The following HCRTR2 variants were observed in gnomAD, a reference collection of about 807,000 sequenced individuals.
HCRTR2 encodes the protein hypocretin receptor 2.
HCRTR2 carries 22 observed loss-of-function variants against 49.0 expected under a neutral mutation model. The ratio of observed to expected loss-of-function variants is 0.45; its 90% CI spans 0.32 to 0.64. HCRTR2 has a LOEUF of 0.64. Ranked by LOEUF, HCRTR2 falls within the 30% of genes least tolerant of loss-of-function variation. The pLI, the probability that HCRTR2 is intolerant of heterozygous loss-of-function variation, is 0.04. For missense variants in HCRTR2, 491 were observed against 559.4 expected (o/e 0.88, Z 1.23); for synonymous variants, 236 against 205.3 (o/e 1.15, Z -1.28).
chr6:55,111,420 A>C (rs1288640659), intron 1 of HCRTR2, among the ~76,000 whole-genome samples: 1 of 152,096 alleles, frequency 6.6e-6, no homozygotes, highest in Non-Finnish European at 1.5e-5. Flanking sequence ...TAGTCAGATT[A>C]ACTGAAGAGA....
intron 1 of HCRTR2, among the ~76,000 whole-genome samples, chr6:55,205,769 G>A (rs939005487): frequency 2.0e-5 from 3 of 151,974 alleles, no homozygotes; most frequent in African/African-American, 7.2e-5. Context: ...TTTTTTAGAC[G>A]GGATTGGAGA....
intron 1 of HCRTR2, among the ~76,000 whole-genome samples, chr6:55,133,301 G>A (rs1445227799): frequency 6.6e-6 from 1 of 151,500 alleles, no homozygotes; most frequent in Non-Finnish European, 1.5e-5. Flanking sequence ...CAAAATTGAA[G>A]CTAACAGACA....
At chr6:55,245,926 T>C (rs1281940909) in intron 1 of HCRTR2, among the ~76,000 whole-genome samples, 3 of 152,016 alleles carry the variant, frequency 2.0e-5, no homozygotes, top group East Asian at 1.9e-4. Context: ...ATTGCAGATG[T>C]AATTTGATAT....
rs140020781 is a variant in HCRTR2, at chr6:55,261,818, A to G, written c.647-1889A>G. Reference sequence around the variant, plus strand: ...AAATAAGCCATTATACTAAAAAGATACCTGCACATGCATGTTTACAGCAGC... The same window carrying G: ...AAATAAGCCATTATACTAAAAAGATGCCTGCACATGCATGTTTACAGCAGC... On this transcript the variant is annotated intron_variant, in intron 3 of 6. Transcript: ENST00000370862. 3.9e-5 allele frequency among the ~76,000 whole-genome samples: 6 copies of G among 152,282 alleles called. No individual in the cohort carries two copies. In the East Asian group the frequency reaches 1.2e-3, roughly 29 times the overall value.
chr6:55,202,852 T>G (rs2127285629), intron 1 of HCRTR2, among the ~76,000 whole-genome samples: 1 of 152,236 alleles, frequency 6.6e-6, no homozygotes, highest in East Asian at 1.9e-4. Flanking sequence ...TATGGTAGTT[T>G]AAAGCATGGC....
intron 1 of HCRTR2, among the ~76,000 whole-genome samples, chr6:55,182,658 A>C (rs925039787): frequency 6.6e-6 from 1 of 152,214 alleles, no homozygotes; most frequent in Admixed American, 6.5e-5. Context: ...AGCTTCTTGC[A>C]GATTCCTGAC....
At chr6:55,250,876 C>G (rs571302032) in intron 2 of HCRTR2, among the ~76,000 whole-genome samples, 9 of 152,244 alleles carry the variant, frequency 5.9e-5, no homozygotes, top group Admixed American at 5.2e-4. Flanking sequence ...GAAAAAACTA[C>G]TGGGTAACCA....
At chr6:55,277,236 C>T (rs1767093303) in intron 4 of HCRTR2, 144 bp from the exon 5 acceptor site, 2 of 703,282 alleles carry the variant, frequency 2.8e-6, no homozygotes, top group East Asian at 5.4e-5. Context: ...CTAAGGTCAG[C>T]AAATGCTCTG....
At chr6:55,257,776 A>G (rs1205052717) in intron 3 of HCRTR2, among the ~76,000 whole-genome samples, 1 of 151,914 alleles carries the variant, frequency 6.6e-6, no homozygotes, top group Non-Finnish European at 1.5e-5. Context: ...CTTAGCCTTC[A>G]GAAGTCATTT....
chr6:55,111,633 G>A (rs745620736), intron 1 of HCRTR2, among the ~76,000 whole-genome samples: 12 of 151,872 alleles, frequency 7.9e-5, no homozygotes, highest in African/African-American at 1.7e-4. Flanking sequence ...ACAATAACAC[G>A]CAGTGAGATT....
At chr6:55,213,070 A>G (rs547542109) in intron 1 of HCRTR2, among the ~76,000 whole-genome samples, 35 of 147,904 alleles carry the variant, frequency 2.4e-4, no homozygotes, top group Non-Finnish European at 3.8e-4. Context: ...AGAGTACATG[A>G]AAAAAAAGAG....
chr6:55,127,224 G>A (rs1764293761), intron 1 of HCRTR2, among the ~76,000 whole-genome samples: 2 of 152,094 alleles, frequency 1.3e-5, no homozygotes, highest in African/African-American at 4.8e-5. Context: ...GGAATCTCCT[G>A]GTCTGCAGGT....
chr6:55,155,294 C>T (rs904697820), intron 1 of HCRTR2, among the ~76,000 whole-genome samples: 3 of 151,696 alleles, frequency 2.0e-5, no homozygotes, highest in Admixed American at 2.0e-4. Flanking sequence ...GAATGGATTT[C>T]CTTTTATTGT....
At chr6:55,212,643 T>C (rs1368865688) in intron 1 of HCRTR2, among the ~76,000 whole-genome samples, 1 of 152,174 alleles carries the variant, frequency 6.6e-6, no homozygotes. Context: ...AATTATGTGA[T>C]GAATAACCTA....
intron 1 of HCRTR2, among the ~76,000 whole-genome samples, chr6:55,192,195 C>A (rs995822452): frequency 3.9e-5 from 6 of 152,094 alleles, no homozygotes; most frequent in African/African-American, 1.4e-4. Context: ...TCAAGCTACT[C>A]AAATTTTAAT....
intron 5 of HCRTR2, among the ~76,000 whole-genome samples, chr6:55,279,084 G>A (rs571117779): frequency 7.4e-4 from 113 of 151,706 alleles, no homozygotes; most frequent in African/African-American, 2.7e-3. Flanking sequence ...AAGGAGCAAG[G>A]CTGTGTTAAA....
intron 1 of HCRTR2, among the ~76,000 whole-genome samples, chr6:55,245,924 T>C (rs901835271): frequency 1.6e-4 from 25 of 151,990 alleles, no homozygotes; most frequent in Non-Finnish European, 2.4e-4. Flanking sequence ...TCATTGCAGA[T>C]GTAATTTGAT....
At chr6:55,162,336 T>C (rs1764818301) in intron 1 of HCRTR2, among the ~76,000 whole-genome samples, 1 of 152,090 alleles carries the variant, frequency 6.6e-6, no homozygotes, top group African/African-American at 2.4e-5. Context: ...TGCAATGTAT[T>C]TTAAAACAAT....
At chr6:55,139,619 T>C (rs9475162) in intron 1 of HCRTR2, among the ~76,000 whole-genome samples, 1,697 of 152,260 alleles carry the variant, frequency 0.011, 34 homozygotes, top group African/African-American at 0.039. Flanking sequence ...CCATATGCAA[T>C]GGTGGCAAGA....
Sources: gnomAD v4.1 joint callset for allele counts (sites outside exome capture counted in the v4.1 genomes callset) on GRCh38, gnomAD v4.1.1 for gene constraint, MANE v1.5 for transcripts, NCBI Gene and HGNC (gene_info 2026-07-23, HGNC 2026-07-21) for gene names.